Variants in NUDC observed in about 807,000 individuals in gnomAD.
The protein encoded by NUDC is nuclear migration protein nudC.
A neutral mutation model predicts 45.0 loss-of-function variants in NUDC; 14 were observed. That is an observed-to-expected ratio of 0.31 (90% CI 0.21 to 0.49). The LOEUF is 0.49. NUDC is among the 20% of genes least tolerant of loss of function. The probability of loss-of-function intolerance (pLI) is 0.99; values close to 1 mark genes in which losing one functional copy is unlikely to be tolerated. For missense variants in NUDC, 323 were observed against 426.2 expected, an observed-to-expected ratio of 0.76 and a Z score of 2.13; for synonymous variants, 153 against 156.7, an observed-to-expected ratio of 0.98 and a Z score of 0.17.
chr1:26,942,841 G>A lies in NUDC; in HGVS notation c.547-30G>A, dbSNP rs772387172. 1.9e-5 allele frequency: 30 copies of A among 1,613,840 alleles called. No homozygotes were observed. The South Asian group carries it at 3.2e-4, about 17-fold the overall frequency. ...CCTGGGGTACCAGCAGCACTTAGTG[G>A]CCTCTTCTGACTGCCTCTGCCCTAT... On this transcript the variant is annotated intron_variant, in intron 5 of 8. Coordinates refer to ENST00000321265, the MANE Select transcript of NUDC (RefSeq NM_006600.4).
chr1:26,904,184 CTTTT>C (rs55759997), intron 2 of NUDC, among the ~76,000 whole-genome samples: 1 of 137,170 alleles, frequency 7.3e-6, no homozygotes, highest in Non-Finnish European at 1.6e-5. Context: ...TTATTACATA[CTTTT>C]TTTTTTTTTT....
intron 2 of NUDC, among the ~76,000 whole-genome samples, chr1:26,935,430 A>C (rs1464078852): frequency 6.6e-6 from 1 of 152,144 alleles, no homozygotes; most frequent in Non-Finnish European, 1.5e-5. Context: ...AGCCTTAGGA[A>C]ACTTACAGTC....
chr1:26,904,957 C>G (rs981521217), intron 2 of NUDC, among the ~76,000 whole-genome samples: 3 of 145,938 alleles, frequency 2.1e-5, no homozygotes, highest in Non-Finnish European at 4.5e-5. Context: ...CTGCATCAGC[C>G]TCCTGAGTAG....
Position 26,940,805 on chromosome 1 carries a change from C to T in NUDC, c.160-652C>T, listed in dbSNP as rs148561617. The stretch of plus-strand genomic sequence containing the variant: ...AGTTCAAGCAATTCCCCTGCCTCAG[C>T]CTCCTGAGTAGCTGGGATTACAGGC... On this transcript the variant is annotated intron_variant, in intron 2 of 8. Transcript: ENST00000321265. 9.7e-4 allele frequency among the ~76,000 whole-genome samples: 147 copies of T among 152,328 alleles called. 1 individual carries two copies. The highest frequency in any genetic ancestry group is 3.2e-3 in the African/African-American group (134 of 41,572).
intron 8 of NUDC, 148 bp from the exon 9 acceptor site, chr1:26,945,981 CG>C (rs1330231052): frequency 1.3e-6 from 1 of 791,292 alleles, no homozygotes; most frequent in Non-Finnish European, 2.2e-6. Flanking sequence ...GACTCAAATG[CG>C]TCTCAGATAC....
At chr1:26,934,523 A>G (rs2082210835) in intron 2 of NUDC, among the ~76,000 whole-genome samples, 1 of 152,178 alleles carries the variant, frequency 6.6e-6, no homozygotes, top group Non-Finnish European at 1.5e-5. Context: ...ATGCCCTTCC[A>G]ACAGCCCCAC....
rs150160927 is a variant in NUDC at position 26,913,676 on chromosome 1, G to A, written c.93+2441G>A. On this transcript the variant is annotated intron_variant, in intron 3 of 6. Coordinates refer to the NUDC transcript ENST00000435827. Reference sequence around the variant, plus strand: ...AGGAAGAGGGGGCCCCAGCAACCCTGCAGCAGCCGCCGCTGGTCCTGGGGA... The same window carrying A: ...AGGAAGAGGGGGCCCCAGCAACCCTACAGCAGCCGCCGCTGGTCCTGGGGA... The A allele has an allele frequency of 2.7e-5, 44 of 1,613,170 alleles. No homozygotes were observed. The Middle Eastern group carries it at 1.2e-3, about 42-fold the overall frequency.
At chr1:26,913,298 A>G in intron 3 of NUDC, 1 of 1,007,758 alleles carries the variant, frequency 9.9e-7, no homozygotes, top group Non-Finnish European at 1.6e-6. Context: ...GAAAAATAAA[A>G]AGAAAATGAG....
chr1:26,911,363 C>G (rs2082025179), intron 3 of NUDC: 10 of 353,876 alleles, frequency 2.8e-5, no homozygotes, highest in South Asian at 2.2e-4. Flanking sequence ...TGATACTGTT[C>G]CCTGGAAAAT....
Position 26,941,501 on chromosome 1 carries a change from G to C in NUDC, c.204G>C (p.Lys68Asn). ...TFSHHNQLAQ[K>N]TRREKRARQE... is the part of the protein sequence containing the mutation. ...GCCACCACAATCAGCTGGCACAGAA[G>C]ACCCGGCGGGAGAAGAGAGCCCGGC... Residue 68 changes from lysine (K) to asparagine (N), a missense_variant, in exon 3 of 9, where the codon AAG becomes AAC. Transcript: ENST00000321265. 2 of 1,614,074 alleles carry C rather than the reference G, an allele frequency of 1.2e-6. No homozygotes were observed. Among genetic ancestry groups the C allele is most frequent in the Non-Finnish European group, 8.5e-7 (1 of 1,180,016 alleles).
chr1:26,902,690 C>T (rs918111341), intron 2 of NUDC, among the ~76,000 whole-genome samples: 1 of 151,438 alleles, frequency 6.6e-6, no homozygotes, highest in African/African-American at 2.4e-5. Context: ...AGCAAGGCTG[C>T]AGTGAGCCAT....
chr1:26,904,751 C>T (rs2081995205), intron 2 of NUDC, among the ~76,000 whole-genome samples: 1 of 152,160 alleles, frequency 6.6e-6, no homozygotes, highest in East Asian at 1.9e-4. Flanking sequence ...GAGATCACCT[C>T]CAACCCCCCT....
chr1:26,930,434 C>T (rs776647897), intron 2 of NUDC, among the ~76,000 whole-genome samples: 4 of 152,194 alleles, frequency 2.6e-5, no homozygotes, highest in African/African-American at 7.2e-5. Context: ...CCTTTGCGGC[C>T]GCCATTGTAC....
chr1:26,911,740 A>T, intron 3 of NUDC: 4 of 1,375,424 alleles, frequency 2.9e-6, no homozygotes, highest in Non-Finnish European at 3.1e-6. Flanking sequence ...TGCTGTCTAT[A>T]CAGGCTTGCC....
At chr1:26,915,498 A>C (rs2082057675) in intron 3 of NUDC, among the ~76,000 whole-genome samples, 1 of 152,090 alleles carries the variant, frequency 6.6e-6, no homozygotes, top group South Asian at 2.1e-4. Context: ...ATGTTCCTGG[A>C]CCTTGGCCAG....
rs553985918 is a variant in NUDC at position 26,900,938 on chromosome 1, A to G, written c.-101+538A>G. ...AAGTGCTATGAGTTACTAGAGGCTT[A>G]CGTTAAAGAAAAGATGCACAACTCA... is the stretch of plus-strand genomic sequence containing the variant. On this transcript the variant is annotated intron_variant, in intron 1 of 6. Coordinates refer to the NUDC transcript ENST00000435827. Among the ~76,000 whole-genome samples the G allele has an allele frequency of 6.8e-4, 104 of 152,220 alleles. 2 individuals carry two copies. The highest frequency in any genetic ancestry group is 1.0e-3 in the Non-Finnish European group (70 of 68,028).
intron 2 of NUDC, among the ~76,000 whole-genome samples, chr1:26,940,534 G>A (rs144712265): frequency 1.7e-3 from 265 of 152,256 alleles, no homozygotes; most frequent in Admixed American, 3.7e-3. Context: ...TCCTTTTTGG[G>A]TGTGGTGTCA....
chr1:26,900,410 C>T (rs138814947), intron 1 of NUDC: 1 of 1,611,374 alleles, frequency 6.2e-7, no homozygotes, highest in African/African-American at 1.3e-5. Context: ...GGTAAACTGT[C>T]GCCTCCTCCT....
In NUDC at chr1:26,941,534, C is replaced by T. The variant is rs762308144; in HGVS notation, c.237C>T (p.Ala79=). 17 of 1,613,650 alleles carry T rather than the reference C, an allele frequency of 1.1e-5. No homozygotes were observed. Among genetic ancestry groups the T allele is most frequent in the Non-Finnish European group, 1.4e-5 (16 of 1,179,882 alleles). The change falls in exon 3 of 9, where the codon GCC becomes GCT. Residue 79 remains alanine, a synonymous_variant. Transcript: ENST00000321265. ...TRREKRARQE[A]ERREKAERAA... is the part of the protein sequence containing the mutation. The stretch of plus-strand genomic sequence containing the variant: ...GGGAGAAGAGAGCCCGGCAGGAGGC[C>T]GAGCGGCGGGAGAAGGCGGAGCGGG...
Sources: allele counts gnomAD v4.1 joint callset (sites outside exome capture counted in the v4.1 genomes callset), GRCh38; gene constraint gnomAD v4.1.1; transcripts MANE v1.5; gene names NCBI Gene and HGNC (gene_info 2026-07-23, HGNC 2026-07-21).